Variants in CATSPERG observed in about 807,000 individuals in gnomAD.
CATSPERG encodes the protein catsper channel auxiliary subunit gamma.
In CATSPERG, 115 loss-of-function variants were observed where a neutral mutation model predicts 145.0. That is an observed-to-expected ratio of 0.79 (90% confidence interval 0.68 to 0.93). CATSPERG has a LOEUF of 0.93. CATSPERG is among the 40% of genes least tolerant of loss of function. CATSPERG has a pLI of 0.00. For missense variants in CATSPERG, 1,296 were observed against 1,490.1 expected, an observed-to-expected ratio of 0.87 and a Z score of 2.14; for synonymous variants, 588 against 589.0, an observed-to-expected ratio of 1.00 and a Z score of 0.02.
At chr19:38,341,231 AG>A (rs1217608704) in intron 3 of CATSPERG, among the ~76,000 whole-genome samples, 1 of 152,078 alleles carries the variant, frequency 6.6e-6, no homozygotes, top group Non-Finnish European at 1.5e-5. Flanking sequence ...TATGCAGAGG[AG>A]GGATTGGATC....
chr19:38,359,143 C>T (rs558994146), intron 13 of CATSPERG, among the ~76,000 whole-genome samples: 1 of 152,190 alleles, frequency 6.6e-6, no homozygotes, highest in Admixed American at 6.5e-5. Context: ...AACCACCATG[C>T]CCGGCTAATT....
At chr19:38,359,647 TC>T in intron 14 of CATSPERG, 66 bp downstream of exon 14, 2 of 1,533,958 alleles carry the variant, frequency 1.3e-6, no homozygotes, top group East Asian at 2.4e-5. Context: ...GGCCCCTCTT[TC>T]CCCCGTCACA....
At chr19:38,344,507 C>A in intron 6 of CATSPERG, 139 bp downstream of exon 6, 1 of 733,470 alleles carries the variant, frequency 1.4e-6, no homozygotes, top group Admixed American at 2.1e-5. Context: ...CCATTAATCT[C>A]CCCAGTGACC....
intron 22 of CATSPERG, chr19:38,365,698 G>GTT (rs142942535): frequency 0.16 from 22,676 of 145,610 alleles, 1,822 homozygotes; most frequent in Admixed American, 0.21. Flanking sequence ...CAACAGGGCC[G>GTT]TTTTTTTTTT....
At position 38,343,631 on chromosome 19, in the gene CATSPERG, G is replaced by T. The variant is rs1178291072; in HGVS notation, c.376G>T (p.Val126Leu). The change falls in exon 4 of 29, where the codon GTG (valine) becomes TTG (leucine). Residue 126 changes from valine (V) to leucine (L), a missense_variant. Physicochemically the swap from Val to Leu is conservative, Grantham distance 32 (BLOSUM62 1). Transcript: ENST00000409235. Reference sequence around the variant, plus strand: ...CCACCTGACGGGGCTAAAGCCCCTGGTGCTGGTCACCTTCCAGTCCCCAGT... The same window carrying T: ...CCACCTGACGGGGCTAAAGCCCCTGTTGCTGGTCACCTTCCAGTCCCCAGT... ...MGHLTGLKPL[V>L]LVTFQSPVNF... is the part of the protein sequence containing the mutation. The T allele has an allele frequency of 1.3e-6, 2 of 1,551,410 alleles. No individual in the cohort carries two copies. Among genetic ancestry groups the T allele is most frequent in the Non-Finnish European group, 1.7e-6 (2 of 1,146,958 alleles).
At chr19:38,342,600 GAAAAA>G (rs756886890) in intron 3 of CATSPERG, among the ~76,000 whole-genome samples, 2 of 105,460 alleles carry the variant, frequency 1.9e-5, no homozygotes. Flanking sequence ...ACTCCTTCTT[GAAAAA>G]AAAAAAAAAA....
intron 7 of CATSPERG, 32 bp downstream of exon 7, chr19:38,346,637 C>T (rs1219215370): frequency 1.2e-5 from 19 of 1,527,442 alleles, no homozygotes; most frequent in Middle Eastern, 3.4e-4. Flanking sequence ...GTGGGCGGGG[C>T]GTCTTGGAGG....
Position 38,337,228 on chromosome 19 carries a change from C to T in CATSPERG, c.-7C>T. ...GACTCCTGCGTTCTCCAGGTTCTAG[C>T]CACGTTATGTGCGGCCCAGCCATGT... On this transcript the variant is annotated 5_prime_UTR_variant, in exon 2 of 29. Coordinates refer to ENST00000409235, the MANE Select transcript of CATSPERG (RefSeq NM_021185.5). 3.2e-6 allele frequency: 5 copies of T among 1,550,600 alleles called. No homozygotes were observed. Among genetic ancestry groups the T allele is most frequent in the Non-Finnish European group, 3.5e-6 (4 of 1,146,646 alleles).
intron 4 of CATSPERG, 49 bp from the exon 5 acceptor site, chr19:38,343,944 C>T (rs1229977167): frequency 1.8e-5 from 27 of 1,542,146 alleles, no homozygotes; most frequent in Admixed American, 3.9e-5. Context: ...GGCCTGGAAC[C>T]GGCCATTGGG....
In CATSPERG at chr19:38,369,521, A is replaced by C. The variant is rs747551797; in HGVS notation, c.3021-451A>C. 2.1e-5 allele frequency: 5 copies of C among 233,698 alleles called. No homozygotes were observed. The South Asian group carries it at 2.8e-4, about 13-fold the overall frequency. The allele number at this position is 233,698 out of a possible 1,614,324, so 14.5% of individuals were successfully genotyped here. The stretch of plus-strand genomic sequence containing the variant: ...AGTGATCCACCTGCCTCGGCCTCCC[A>C]AAGTGCTGGTATTATAGGTGTGAAC... On this transcript the variant is annotated intron_variant, in intron 26 of 28. Coordinates refer to ENST00000409235, the MANE Select transcript of CATSPERG (RefSeq NM_021185.5).
Position 38,360,477 on chromosome 19 carries a change from T to C in CATSPERG, c.1609-12T>C, listed in dbSNP as rs1450263762. The C allele has an allele frequency of 1.7e-5, 27 of 1,613,704 alleles. No homozygotes were observed. Among genetic ancestry groups the C allele is most frequent in the Non-Finnish European group, 2.2e-5 (26 of 1,179,958 alleles). ...GTCCTGACACACACACATCCGGCTG[T>C]CATACCCGCAGATCTGGTACCTCCT... On this transcript the variant is annotated splice_polypyrimidine_tract_variant and intron_variant, in intron 14 of 28. Coordinates refer to ENST00000409235, the MANE Select transcript of CATSPERG (RefSeq NM_021185.5).
chr19:38,362,866 GTTTTGTTTTTT>G, intron 20 of CATSPERG, 34 bp downstream of exon 20: 1 of 806,164 alleles, frequency 1.2e-6, no homozygotes, highest in Non-Finnish European at 2.1e-6. Context: ...ATCAAGGGAG[GTTTTGTTTTTT>G]TTTTTTTTTT....
intron 7 of CATSPERG, among the ~76,000 whole-genome samples, chr19:38,350,816 C>T (rs944077602): frequency 1.3e-5 from 2 of 152,028 alleles, no homozygotes; most frequent in African/African-American, 4.8e-5. Context: ...TGGTGAAACC[C>T]CGTCTCTACT....
At chr19:38,362,643 G>A (rs1295745434) in intron 19 of CATSPERG, 69 bp downstream of exon 19, 7 of 1,606,218 alleles carry the variant, frequency 4.4e-6, no homozygotes, top group Non-Finnish European at 4.3e-6. Context: ...AGCCTGGGGG[G>A]CGGGGACACC....
At chr19:38,354,317 C>T (rs113756260) in intron 8 of CATSPERG, among the ~76,000 whole-genome samples, 16 of 152,348 alleles carry the variant, frequency 1.1e-4, no homozygotes, top group Non-Finnish European at 1.9e-4. Context: ...TAGACAGTCA[C>T]CTCCTTGTGC....
chr19:38,359,581 G>A lies in CATSPERG; in HGVS notation c.1608G>A (p.Glu536=), dbSNP rs774197840. The A allele has an allele frequency of 4.3e-6, 7 of 1,611,444 alleles. No homozygotes were observed. The Admixed American group carries it at 1.2e-4, about 27-fold the overall frequency. Residue 536 remains glutamate (E), a splice_region_variant and synonymous_variant, in exon 14 of 29, where the codon GAG becomes GAA. Transcript: ENST00000409235. ...GAVAIVTETE[E]IWYLLEGSYR... ...TGGCTATTGTCACAGAGACGGAGGA[G>A]GTGGGCTGCCCCGCCCCTCTCCCCG...
chr19:38,345,952 G>A (rs1312931466), intron 6 of CATSPERG, among the ~76,000 whole-genome samples: 2 of 152,214 alleles, frequency 1.3e-5, no homozygotes, highest in African/African-American at 4.8e-5. Context: ...TCCTGGAGCT[G>A]ACACTCTAGT....
chr19:38,361,931 G>A, intron 17 of CATSPERG, 70 bp downstream of exon 17: 1 of 1,300,346 alleles, frequency 7.7e-7, no homozygotes, highest in South Asian at 1.3e-5. Flanking sequence ...CTTAGAGGGC[G>A]AGGCCTGTGG....
chr19:38,339,021 A>G (rs1481404988), intron 3 of CATSPERG, among the ~76,000 whole-genome samples: 2 of 152,162 alleles, frequency 1.3e-5, no homozygotes, highest in Non-Finnish European at 2.9e-5. Flanking sequence ...GAGAGAAGTA[A>G]AGTGGGACCA....
Sources: gnomAD v4.1 joint callset for allele counts (sites outside exome capture counted in the v4.1 genomes callset) on GRCh38, gnomAD v4.1.1 for gene constraint, MANE v1.5 for transcripts, NCBI Gene and HGNC (gene_info 2026-07-23, HGNC 2026-07-21) for gene names.